Variants in NEB observed in about 807,000 individuals in gnomAD.
NEB encodes nemaline myopathy type 2.
NEB carries 512 observed loss-of-function variants against 952.2 expected under a neutral mutation model. The observed-to-expected ratio is 0.54, with a 90% confidence interval of 0.50 to 0.58. The LOEUF is 0.58. Among genes scored for constraint, NEB ranks in the 20% least tolerant of loss-of-function variants. The pLI, the probability that NEB is intolerant of heterozygous loss-of-function variation, is 0.00. For missense variants in NEB, 8,428 were observed against 9,231.1 expected, an observed-to-expected ratio of 0.91 and a Z score of 3.56; for synonymous variants, 2,900 against 3,149.8, an observed-to-expected ratio of 0.92 and a Z score of 2.66.
rs2099081363 is a variant in NEB at position 151,655,834 on chromosome 2, C to T, written c.6685G>A (p.Ala2229Thr). 6.2e-7 allele frequency: 1 copy of T among 1,613,362 alleles called. No individual in the cohort carries two copies. Among genetic ancestry groups the T allele is most frequent in the Non-Finnish European group, 8.5e-7 (1 of 1,179,690 alleles). Reference sequence around the variant, plus strand: ...CTCTGTACCTTGTTCATGGTATGTGCATTCTGCTTGGCAAGCACCATGTCC... The same window carrying T: ...CTCTGTACCTTGTTCATGGTATGTGTATTCTGCTTGGCAAGCACCATGTCC... ...SMDMVLAKQNAHTMNKHLYTI... is the reference protein window; with the variant it reads ...SMDMVLAKQNTHTMNKHLYTI... The change falls in exon 50 of 182, where the codon GCA becomes ACA. Residue 2229 changes from alanine (A) to threonine (T), a missense_variant. By Grantham distance (58) the Ala-to-Thr change is moderately conservative. Around this residue, in one of 11 missense-constraint regions of NEB, gnomAD observed 2,851 missense variants for 2,791.5 expected, o/e 1.02. Transcript: ENST00000397345.
chr2:151,525,939 C>CG lies in NEB; in HGVS notation c.22161+18_22161+19insC. The CG allele has an allele frequency of 6.3e-7, 1 of 1,588,812 alleles. No homozygotes were observed. The highest frequency in any genetic ancestry group is 8.6e-7 in the Non-Finnish European group (1 of 1,156,992). The stretch of plus-strand genomic sequence containing the variant: ...AAGTGGCATTGTTGCTGCCAAGAGA[C>CG]CGGTGGTTGATCACTTACATCACTG... On this transcript the variant is annotated intron_variant, in intron 150 of 181. Coordinates refer to ENST00000397345, the MANE Select transcript of NEB (RefSeq NM_001164508.2).
intron 1 of NEB, 105 bp from the exon 2 acceptor site, chr2:151,733,900 C>T (rs2099814954): frequency 6.6e-6 from 1 of 152,152 alleles, no homozygotes; most frequent in South Asian, 2.1e-4. Flanking sequence ...TCTCTCAAGG[C>T]CTCTACAGTT....
intron 38 of NEB, among the ~76,000 whole-genome samples, chr2:151,670,520 C>T (rs539298730): frequency 4.7e-5 from 7 of 148,542 alleles, no homozygotes; most frequent in Admixed American, 1.3e-4. Flanking sequence ...TCCATACAGA[C>T]GTGGTCTCAG....
chr2:151,682,538 G>C, intron 29 of NEB, 124 bp downstream of exon 29: 1 of 769,864 alleles, frequency 1.3e-6, no homozygotes. Flanking sequence ...TTGTGCACGT[G>C]GTAAGCTCTT....
intron 153 of NEB, among the ~76,000 whole-genome samples, chr2:151,520,203 A>G (rs1463810822): frequency 6.6e-6 from 1 of 152,188 alleles, no homozygotes; most frequent in Admixed American, 6.5e-5. Context: ...TGAAAAATAA[A>G]GAATCTGTTA....
rs1390235262 is a variant in NEB, at chr2:151,664,446, T to C, written c.5451+55A>G. On this transcript the variant is annotated intron_variant, in intron 44 of 181. Transcript: ENST00000397345. Reference sequence around the variant, plus strand: ...CACTGCTCCTACATACACACAAGCTTAGCGCATTTGTTCTTACTTGCTCAA... The same window carrying C: ...CACTGCTCCTACATACACACAAGCTCAGCGCATTTGTTCTTACTTGCTCAA... The C allele has an allele frequency of 1.0e-5, 13 of 1,300,994 alleles. No individual in the cohort carries two copies. In the East Asian group the frequency reaches 3.3e-4, roughly 33 times the overall value. The allele number at this position is 1,300,994 out of a possible 1,614,324, so 80.6% of individuals were successfully genotyped here. A position where few individuals can be genotyped will look rare whatever the true frequency, so the allele number is the denominator to read the frequency against.
chr2:151,668,909 T>G (rs1036236565), intron 39 of NEB, 118 bp downstream of exon 39: 1 of 738,540 alleles, frequency 1.4e-6, no homozygotes, highest in East Asian at 2.8e-5. Flanking sequence ...AAGGGTTTAA[T>G]GTGGAGGCTC....
At chr2:151,488,862 T>TC (rs2053569211) in intron 181 of NEB, among the ~76,000 whole-genome samples, 1 of 152,074 alleles carries the variant, frequency 6.6e-6, no homozygotes, top group South Asian at 2.1e-4. Flanking sequence ...TTTCTGGACT[T>TC]CATCTATTTT....
Position 151,650,694 on chromosome 2 carries a change from G to A in NEB, c.7107C>T (p.Ala2369=). Residue 2369 remains alanine, a synonymous_variant, in exon 53 of 182, where the codon GCC becomes GCT. Coordinates refer to ENST00000397345, the MANE Select transcript of NEB (RefSeq NM_001164508.2). ...SPVDMLGVVL[A]KKCQELVSDV... ...CACTAACCAACTCCTGACACTTCTT[G>A]GCCAGTACCACTCCCAACATGTCCA... is the stretch of plus-strand genomic sequence containing the variant. 1 of 1,613,844 alleles carries A rather than the reference G, an allele frequency of 6.2e-7. No homozygotes were observed. Among genetic ancestry groups the A allele is most frequent in the South Asian group, 1.1e-5 (1 of 91,066 alleles).
Position 151,551,793 on chromosome 2 carries a change from G to C in NEB, c.19889C>G (p.Thr6630Ser), listed in dbSNP as rs2095358222. The C allele has an allele frequency of 1.2e-6, 2 of 1,613,362 alleles. No individual in the cohort carries two copies. Among genetic ancestry groups the C allele is most frequent in the South Asian group, 2.2e-5 (2 of 90,994 alleles). The change falls in exon 129 of 182, where the codon ACT becomes AGT. Residue 6630 changes from threonine (T) to serine (S), a missense_variant. Around this residue, in one of 11 missense-constraint regions of NEB, gnomAD observed 3,374 missense variants for 3,651.5 expected, o/e 0.92. Coordinates refer to ENST00000397345, the MANE Select transcript of NEB (RefSeq NM_001164508.2). ...VHSVRGKVAP[T>S]TKTVDLDRAL... ...CCGGTCCAGATCCACGGTTTTGGTAGTTGGAGCCACTTTGCCTCTGACACT... is the reference window on the plus strand; with the variant it reads ...CCGGTCCAGATCCACGGTTTTGGTACTTGGAGCCACTTTGCCTCTGACACT...
intron 170 of NEB, 101 bp from the exon 171 acceptor site, chr2:151,497,819 G>A (rs1182057354): frequency 2.0e-6 from 3 of 1,533,460 alleles, no homozygotes; most frequent in Non-Finnish European, 1.8e-6. Flanking sequence ...CAAGGAGCCA[G>A]AAGTTATATG....
At position 151,549,645 on chromosome 2, in the gene NEB, C is replaced by T. The variant is rs368883773; in HGVS notation, c.20040G>A (p.Met6680Ile). The change falls in exon 130 of 182, where the codon ATG becomes ATA. Residue 6680 changes from methionine (M) to isoleucine (I), a missense_variant. By Grantham distance (10) the Met-to-Ile change is conservative (BLOSUM62 1). Transcript: ENST00000397345. ...HFKHIKDTRY[M>I]SSYFKYKEAY... ...GGAGGAGACCACTCACATAACTGCT[C>T]ATGTAACGGGTGTCCTTGATGTGTT... 3 of 1,593,010 alleles carry T rather than the reference C, an allele frequency of 1.9e-6. No individual in the cohort carries two copies. The highest frequency in any genetic ancestry group is 1.7e-4 in the Middle Eastern group (1 of 6,022).
At chr2:151,579,080 C>CAAAAAAAAAA (rs1159995102) in intron 105 of NEB, among the ~76,000 whole-genome samples, 3 of 31,690 alleles carry the variant, frequency 9.5e-5, no homozygotes, top group Non-Finnish European at 1.6e-4. Context: ...GACTCCATCT[C>CAAAAAAAAAA]AAAAAAAAAA....
At chr2:151,493,697 GTAAGA>G in intron 175 of NEB, 73 bp downstream of exon 175, 1 of 1,176,690 alleles carries the variant, frequency 8.5e-7, no homozygotes, top group Non-Finnish European at 1.2e-6. Flanking sequence ...TGGAAAAACT[GTAAGA>G]TAAATTAGTG....
At chr2:151,570,984 G>C (rs1578041726) in intron 107 of NEB, among the ~76,000 whole-genome samples, 1 of 152,072 alleles carries the variant, frequency 6.6e-6, no homozygotes, top group South Asian at 2.1e-4. Context: ...TCATGTCTGT[G>C]TCATAAACAT....
In NEB at chr2:151,672,664, G is replaced by T. The variant is rs748242961; in HGVS notation, c.4004C>A (p.Ala1335Asp). The part of the protein sequence containing the change: ...NIASDYKYKE[A>D]YEKSKGKHVG... Reference sequence around the variant, plus strand: ...ATGCTTTCCCTTTGACTTCTCATAAGCTTCCTTGTATTTATACTGTGGAGG... The same window carrying T: ...ATGCTTTCCCTTTGACTTCTCATAATCTTCCTTGTATTTATACTGTGGAGG... Residue 1335 changes from alanine to aspartate, a missense_variant, in exon 37 of 182, where the codon GCT (alanine) becomes GAT (aspartate). This residue lies in a region of NEB where 2,851 missense variants were observed against 2,791.5 expected (regional missense o/e 1.02). Coordinates refer to ENST00000397345, the MANE Select transcript of NEB (RefSeq NM_001164508.2). The T allele has an allele frequency of 1.9e-6, 3 of 1,613,394 alleles. No homozygotes were observed. The South Asian group carries it at 3.3e-5, about 18-fold the overall frequency.
At chr2:151,675,479 G>T in intron 34 of NEB, 88 bp from the exon 35 acceptor site, 5 of 839,112 alleles carry the variant, frequency 6.0e-6, no homozygotes, top group East Asian at 2.9e-5. Context: ...AATCACCCAT[G>T]ATTTTCTAGT....
intron 3 of NEB, among the ~76,000 whole-genome samples, chr2:151,730,412 T>A (rs930100633): frequency 1.3e-5 from 2 of 151,798 alleles, no homozygotes; most frequent in Non-Finnish European, 2.9e-5. Context: ...TGAAACCAAG[T>A]CTACTTTTGT....
chr2:151,550,989 C>A (rs943580075), intron 129 of NEB, among the ~76,000 whole-genome samples: 1 of 119,780 alleles, frequency 8.3e-6, no homozygotes, highest in Non-Finnish European at 1.7e-5. Flanking sequence ...TTATTTGAAA[C>A]GGAGTTTTGC....
Sources: allele counts gnomAD v4.1 joint callset (sites outside exome capture counted in the v4.1 genomes callset), GRCh38; gene constraint gnomAD v4.1.1; regional missense constraint gnomAD v4.1.1; transcripts MANE v1.5; gene names NCBI Gene and HGNC (gene_info 2026-07-23, HGNC 2026-07-21).